Variants in ACBD6 observed in about 807,000 individuals in gnomAD.
ACBD6 encodes the protein acyl-CoA binding domain containing 6.
In ACBD6, 28 loss-of-function variants were observed where a neutral mutation model predicts 37.2. That is an observed-to-expected ratio of 0.75 (90% CI 0.56 to 1.03). The LOEUF is 1.03. Ranked by LOEUF, ACBD6 falls within the 50% of genes least tolerant of loss-of-function variation. The pLI is 0.00. For synonymous variants in ACBD6, 113 were observed against 126.8 expected (o/e 0.89, Z 0.73); for missense variants, 340 against 337.4 (o/e 1.01, Z -0.06).
At chr1:180,421,123 T>C (rs1212119694) in intron 4 of ACBD6, among the ~76,000 whole-genome samples, 5 of 152,156 alleles carry the variant, frequency 3.3e-5, no homozygotes, top group African/African-American at 1.2e-4. Context: ...ACCTAGGTAT[T>C]AAGCCCAGCA....
At chr1:180,411,999 A>C (rs1465796641) in intron 5 of ACBD6, among the ~76,000 whole-genome samples, 1 of 152,116 alleles carries the variant, frequency 6.6e-6, no homozygotes, top group Non-Finnish European at 1.5e-5. Context: ...TGCACTGGGA[A>C]ACCAAAAATT....
chr1:180,334,512 C>A (rs535048230), intron 6 of ACBD6, among the ~76,000 whole-genome samples: 2 of 152,046 alleles, frequency 1.3e-5, no homozygotes. Context: ...CCCATCTGTA[C>A]GTCACCATCA....
At chr1:180,481,482 T>A (rs1347830524) in intron 3 of ACBD6, among the ~76,000 whole-genome samples, 2 of 152,232 alleles carry the variant, frequency 1.3e-5, no homozygotes, top group Non-Finnish European at 2.9e-5. Flanking sequence ...AAGTGGCCTT[T>A]ACCATACTCA....
chr1:180,426,026 C>T (rs1234085617), intron 4 of ACBD6, among the ~76,000 whole-genome samples: 1 of 152,178 alleles, frequency 6.6e-6, no homozygotes, highest in Non-Finnish European at 1.5e-5. Context: ...ATTAAAGCAT[C>T]TCTTTGAAAT....
At chr1:180,462,291 G>C (rs1434868963) in intron 3 of ACBD6, among the ~76,000 whole-genome samples, 3 of 152,100 alleles carry the variant, frequency 2.0e-5, no homozygotes, top group African/African-American at 7.2e-5. Context: ...GACACAGTGT[G>C]GCAAGCTGGA....
intron 5 of ACBD6, among the ~76,000 whole-genome samples, chr1:180,402,038 T>C (rs980879157): frequency 4.6e-5 from 7 of 152,102 alleles, no homozygotes; most frequent in Non-Finnish European, 8.8e-5. Context: ...TGCAAACAGG[T>C]AGATCTGAAT....
At chr1:180,286,596 C>T (rs920741320), downstream of ACBD6, among the ~76,000 whole-genome samples, 2 of 151,714 alleles carry the variant, frequency 1.3e-5, no homozygotes, top group Admixed American at 6.6e-5. Flanking sequence ...AAGACTTAAG[C>T]TAAACAGCAG....
intron 6 of ACBD6, among the ~76,000 whole-genome samples, chr1:180,373,313 T>C (rs1281984640): frequency 1.3e-5 from 2 of 152,218 alleles, no homozygotes; most frequent in Admixed American, 1.3e-4. Context: ...TTTAGCACTT[T>C]GCTGCTATTT....
chr1:180,483,425 C>G (rs1005464188), intron 3 of ACBD6, among the ~76,000 whole-genome samples: 4 of 152,070 alleles, frequency 2.6e-5, no homozygotes, highest in African/African-American at 9.7e-5. Flanking sequence ...TTAATATTTA[C>G]TATAATATTT....
rs987766363 is a variant in ACBD6, at chr1:180,273,223, T to A, written c.*1173+115A>T. The A allele has an allele frequency of 3.3e-5, 5 of 152,434 alleles. No individual in the cohort carries two copies. The Middle Eastern group carries it at 0.017, about 518-fold the overall frequency. 9.4% of individuals were successfully genotyped at this position (152,434 alleles called of 1,614,324 possible). A position where few individuals can be genotyped will look rare whatever the true frequency, so the allele number is the denominator to read the frequency against. On this transcript the variant is annotated intron_variant, in intron 12 of 13. Coordinates refer to the ACBD6 transcript ENST00000642319. Reference sequence around the variant, plus strand: ...AACAAGTTGCCTGCCAGGACAACGATGCCCTGGGAGGACTCTAGTTCAGCC... The same window carrying A: ...AACAAGTTGCCTGCCAGGACAACGAAGCCCTGGGAGGACTCTAGTTCAGCC...
chr1:180,405,093 T>C (rs1251433911), intron 5 of ACBD6, among the ~76,000 whole-genome samples: 1 of 152,204 alleles, frequency 6.6e-6, no homozygotes, highest in African/African-American at 2.4e-5. Flanking sequence ...TATACCCTGA[T>C]ATAGAAAGTG....
intron 6 of ACBD6, among the ~76,000 whole-genome samples, chr1:180,374,997 T>C (rs1653382696): frequency 6.6e-6 from 1 of 152,194 alleles, no homozygotes; most frequent in African/African-American, 2.4e-5. Flanking sequence ...TATTCTTGTA[T>C]TGGTGACTCA....
chr1:180,450,716 C>A (rs1422633192), intron 3 of ACBD6, among the ~76,000 whole-genome samples: 3 of 151,966 alleles, frequency 2.0e-5, no homozygotes, highest in African/African-American at 7.3e-5. Context: ...GCCGAGATTG[C>A]GCCACTGCAC....
chr1:180,294,762 A>G (rs923330195), intron 7 of ACBD6, among the ~76,000 whole-genome samples: 2 of 151,430 alleles, frequency 1.3e-5, no homozygotes, highest in African/African-American at 2.4e-5. Context: ...TGGCACAATC[A>G]TAACTCACTG....
At chr1:180,278,066 G>A (rs1269523386) in intron 9 of ACBD6, 1 of 152,194 alleles carries the variant, frequency 6.6e-6, no homozygotes, top group Non-Finnish European at 1.5e-5. Flanking sequence ...GATGAGCAAA[G>A]GCTGTGTGTT....
intron 6 of ACBD6, among the ~76,000 whole-genome samples, chr1:180,356,835 A>G (rs548108453): frequency 7.4e-6 from 1 of 135,740 alleles, no homozygotes; most frequent in African/African-American, 2.7e-5. Flanking sequence ...TGGGCAACAG[A>G]GCCAGACCTT....
At chr1:180,430,048 C>T in intron 4 of ACBD6, 132 bp downstream of exon 4, 2 of 752,098 alleles carry the variant, frequency 2.7e-6, no homozygotes, top group Non-Finnish European at 4.4e-6. Flanking sequence ...AGAAGGAATG[C>T]TTCACAAATT....
chr1:180,384,919 T>C (rs1370008876), intron 6 of ACBD6, among the ~76,000 whole-genome samples: 2 of 152,192 alleles, frequency 1.3e-5, no homozygotes, highest in Non-Finnish European at 2.9e-5. Context: ...GAATTTTACA[T>C]GTTCTCATTC....
intron 6 of ACBD6, among the ~76,000 whole-genome samples, chr1:180,368,204 C>T (rs1653121938): frequency 6.6e-6 from 1 of 151,556 alleles, no homozygotes; most frequent in Non-Finnish European, 1.5e-5. Flanking sequence ...AAGTGTCTGT[C>T]CCTGTTTTTT....
Sources: gnomAD v4.1 joint callset for allele counts (sites outside exome capture counted in the v4.1 genomes callset) on GRCh38, gnomAD v4.1.1 for gene constraint, MANE v1.5 for transcripts, NCBI Gene and HGNC (gene_info 2026-07-23, HGNC 2026-07-21) for gene names.